Variants in RALGAPA1 observed in about 807,000 individuals in gnomAD.
The protein encoded by RALGAPA1 is ral GTPase-activating protein subunit alpha-1.
RALGAPA1 carries 52 observed loss-of-function variants against 269.6 expected under a neutral mutation model. The observed-to-expected ratio is 0.19, with a 90% CI of 0.15 to 0.24. RALGAPA1 has a LOEUF of 0.24. RALGAPA1 is among the 10% of genes least tolerant of loss of function. RALGAPA1 has a pLI of 1.00. For synonymous variants in RALGAPA1, 817 were observed against 1,008.3 expected (o/e 0.81, Z 3.60); for missense variants, 1,917 against 3,013.9 (o/e 0.64, Z 8.52).
chr14:35,576,713 T>C (rs1285670918), intron 37 of RALGAPA1, among the ~76,000 whole-genome samples: 3 of 152,204 alleles, frequency 2.0e-5, no homozygotes, highest in Non-Finnish European at 4.4e-5. Flanking sequence ...GTAATAATTA[T>C]TATTATCCCT....
In RALGAPA1 at chr14:35,582,461, C is replaced by A. The variant is rs149572755; in HGVS notation, c.7210-9743G>T. On this transcript the variant is annotated intron_variant, in intron 37 of 41. Transcript: ENST00000680220. ...GACATGAAGTCACAGGAAAAATGCT[C>A]CCCTCCCCATTCCTGGTGTCCCACT... Among the ~76,000 whole-genome samples, 209 of 152,210 alleles carry A rather than the reference C, an allele frequency of 1.4e-3. 1 individual carries two copies. The highest frequency in any genetic ancestry group is 3.4e-3 in the Middle Eastern group (1 of 294).
chr14:35,710,809 A>AT lies in RALGAPA1; in HGVS notation c.2267-10508dup, dbSNP rs1349607403. ...TCTATGTTTAGATATGCTTACACAA[A>AT]TATTTACCATTGTATTATAATTGCC... On this transcript the variant is annotated intron_variant, in intron 16 of 41. Transcript: ENST00000680220. Among the ~76,000 whole-genome samples the AT allele has an allele frequency of 2.6e-5, 4 of 152,308 alleles. No individual in the cohort carries two copies. In the East Asian group the frequency reaches 7.7e-4, roughly 29 times the overall value.
chr14:35,769,727 G>T (rs1452337693), intron 4 of RALGAPA1, among the ~76,000 whole-genome samples: 1 of 152,058 alleles, frequency 6.6e-6, no homozygotes, highest in Non-Finnish European at 1.5e-5. Flanking sequence ...TAACAAATTT[G>T]TTCCTAGAAA....
intron 3 of RALGAPA1, among the ~76,000 whole-genome samples, 163 bp downstream of exon 3, chr14:35,774,843 T>C (rs1394864210): frequency 1.3e-5 from 2 of 152,138 alleles, no homozygotes; most frequent in South Asian, 2.1e-4. Flanking sequence ...CCTCAAAAAG[T>C]ATAGGATTCA....
rs753813988 is a variant in RALGAPA1 at position 35,654,403 on chromosome 14, C to T, written c.5571G>A (p.Gln1857=). Residue 1857 remains glutamine (Q), a synonymous_variant, in exon 30 of 42, where the codon CAG becomes CAA. Transcript: ENST00000680220. ...HMLVHYVPRL[Q]IYQPDSPLKI... ...TCAAGGGAGAATCAGGCTGGTAAAT[C>T]TGAAGTCTAGGTACATAATGAACCA... 3 of 1,601,892 alleles carry T rather than the reference C, an allele frequency of 1.9e-6. No individual in the cohort carries two copies. The highest frequency in any genetic ancestry group is 3.4e-5 in the Admixed American group (2 of 58,372).
At chr14:35,664,616 C>A in intron 27 of RALGAPA1, 26 bp downstream of exon 27, 1 of 1,560,134 alleles carries the variant, frequency 6.4e-7, no homozygotes, top group South Asian at 1.2e-5. Context: ...CATTTAAGTG[C>A]TAAAAATTAG....
intron 4 of RALGAPA1, 148 bp from the exon 5 acceptor site, chr14:35,762,901 G>A: frequency 6.9e-6 from 4 of 577,410 alleles, no homozygotes; most frequent in South Asian, 2.2e-5. Context: ...GCCATACTTG[G>A]GATCAGAAGG....
Position 35,728,466 on chromosome 14 carries a change from T to G in RALGAPA1, c.1632A>C (p.Ala544=). ...CATCCAGAAGATTTTTTATTTCATT[T>G]GCAGGTTCAAGAAGAAATATATTTG... ...NSSNIFLLEP[A]NEIKNLLDEH... The change falls in exon 13 of 42, where the codon GCA becomes GCC. Residue 544 remains alanine (A), a synonymous_variant. Transcript: ENST00000680220. 6.2e-7 allele frequency: 1 copy of G among 1,608,430 alleles called. No homozygotes were observed. The highest frequency in any genetic ancestry group is 8.5e-7 in the Non-Finnish European group (1 of 1,178,040).
At chr14:35,736,012 C>T (rs2070958627) in intron 12 of RALGAPA1, among the ~76,000 whole-genome samples, 2 of 152,128 alleles carry the variant, frequency 1.3e-5, no homozygotes, top group Admixed American at 6.6e-5. Flanking sequence ...ATCTGACTTA[C>T]ATTTTACAGG....
chr14:35,569,759 A>T (rs2057018444), intron 39 of RALGAPA1, among the ~76,000 whole-genome samples: 1 of 151,728 alleles, frequency 6.6e-6, no homozygotes, highest in Admixed American at 6.6e-5. Context: ...TGACAACACC[A>T]CTCCATCCAG....
At chr14:35,736,227 G>A (rs1366789645) in intron 12 of RALGAPA1, among the ~76,000 whole-genome samples, 1 of 152,104 alleles carries the variant, frequency 6.6e-6, no homozygotes. Context: ...CAAACGTTAA[G>A]GGAAATGGAA....
intron 39 of RALGAPA1, among the ~76,000 whole-genome samples, chr14:35,552,862 C>T (rs1361630096): frequency 1.3e-5 from 2 of 151,912 alleles, no homozygotes; most frequent in Non-Finnish European, 2.9e-5. Context: ...ATGTCTATAG[C>T]GTAAAGAAAC....
chr14:35,548,123 AGAGTTATCATTTGAT>A (rs1172918390), intron 41 of RALGAPA1, among the ~76,000 whole-genome samples: 4 of 152,122 alleles, frequency 2.6e-5, no homozygotes. Context: ...AGGCACACAG[AGAGTTATCATTTGAT>A]GAGTTAGGAT....
rs932836349 is a variant in RALGAPA1, at chr14:35,742,456, T to C, written c.1361A>G (p.Glu454Gly). The C allele has an allele frequency of 6.9e-6, 11 of 1,603,312 alleles. No homozygotes were observed. Among genetic ancestry groups the C allele is most frequent in the Non-Finnish European group, 9.4e-6 (11 of 1,171,016 alleles). ...GAGGTCTGAAGAAGTGATCACAATT[T>C]CTTCAGGCTCTTGCATGAACAAAGG... Reference protein sequence around the residue: ...EKPLFMQEPEEIVITSSDLPC... With the variant: ...EKPLFMQEPEGIVITSSDLPC... Residue 454 changes from glutamate (E) to glycine (G), a missense_variant, in exon 11 of 42, where the codon GAA becomes GGA. Transcript: ENST00000680220.
At chr14:35,794,925 A>C (rs918208596) in intron 1 of RALGAPA1, among the ~76,000 whole-genome samples, 4 of 152,206 alleles carry the variant, frequency 2.6e-5, no homozygotes, top group African/African-American at 9.7e-5. Flanking sequence ...TTTACTAATC[A>C]ATTTATGATA....
intron 4 of RALGAPA1, among the ~76,000 whole-genome samples, chr14:35,762,965 T>C (rs984119909): frequency 1.3e-5 from 2 of 152,220 alleles, no homozygotes; most frequent in East Asian, 1.9e-4. Context: ...TTAAACATGA[T>C]TTATTTTATT....
At chr14:35,628,580 C>T (rs1485223781) in intron 33 of RALGAPA1, among the ~76,000 whole-genome samples, 1 of 152,070 alleles carries the variant, frequency 6.6e-6, no homozygotes, top group Admixed American at 6.6e-5. Context: ...TTTGTAGATG[C>T]CTTAAATGTC....
chr14:35,754,561 C>T (rs973872499), intron 7 of RALGAPA1, among the ~76,000 whole-genome samples: 4 of 152,048 alleles, frequency 2.6e-5, no homozygotes, highest in African/African-American at 7.2e-5. Context: ...ACAAATTGAC[C>T]GTACCAACTG....
rs908147176 is a variant in RALGAPA1 at position 35,564,722 on chromosome 14, A to C, written c.7496+5895T>G. Among the ~76,000 whole-genome samples the C allele has an allele frequency of 3.9e-4, 60 of 152,162 alleles. 1 individual carries two copies. The highest frequency in any genetic ancestry group is 2.1e-4 in the South Asian group (1 of 4,826). On this transcript the variant is annotated intron_variant, in intron 39 of 41. Coordinates refer to ENST00000680220, the MANE Select transcript of RALGAPA1 (RefSeq NM_001346249.2). ...GCCATTTAATTATATAATATCCCCC[A>C]TACTGTATATTTCAGAATATTATAC...
Sources: allele counts gnomAD v4.1 joint callset (sites outside exome capture counted in the v4.1 genomes callset), GRCh38; gene constraint gnomAD v4.1.1; transcripts MANE v1.5; gene names NCBI Gene and HGNC (gene_info 2026-07-23, HGNC 2026-07-21).